The following UCHL3 variants were observed in gnomAD, a reference collection of about 807,000 sequenced individuals.
UCHL3 encodes ubiquitin C-terminal hydrolase L3, also known as ubiquitin carboxyl-terminal hydrolase isozyme L3.
Under a neutral mutation model 35.8 loss-of-function variants are expected in UCHL3, and 22 were observed. The ratio of observed to expected loss-of-function variants is 0.61; its 90% CI spans 0.44 to 0.88. The LOEUF (loss-of-function observed/expected upper bound fraction) is 0.88, where lower values mean the gene tolerates loss of function less well. Among genes scored for constraint, UCHL3 ranks in the 40% least tolerant of loss-of-function variants. The pLI is 0.00. For missense variants in UCHL3, 229 were observed against 276.9 expected (o/e 0.83, Z 1.23); for synonymous variants, 90 against 92.8 (o/e 0.97, Z 0.17).
chr13:75,565,499 T>C (rs7337186), intron 3 of UCHL3, among the ~76,000 whole-genome samples: 16,616 of 152,276 alleles, frequency 0.11, 1,152 homozygotes, highest in Non-Finnish European at 0.16. Context: ...GTAGGTTTTC[T>C]ATAGACATCG....
intron 6 of UCHL3, chr13:75,589,809 T>C: frequency 1.4e-6 from 1 of 717,384 alleles, no homozygotes; most frequent in Non-Finnish European, 1.9e-6. Flanking sequence ...GATCCTTTGC[T>C]AGATAGATTA....
chr13:75,604,922 G>T (rs2032889970), intron 8 of UCHL3, 95 bp downstream of exon 8: 1 of 1,061,266 alleles, frequency 9.4e-7, no homozygotes. Flanking sequence ...TTTGTATTTG[G>T]ATACTTCTTT....
intron 2 of UCHL3, among the ~76,000 whole-genome samples, chr13:75,559,030 CTTTTTTTTTTTTTTT>C (rs34100020): frequency 1.2e-3 from 74 of 64,310 alleles, no homozygotes; most frequent in Middle Eastern, 0.011. Flanking sequence ...GCCCCGGACT[CTTTTTTTTTTTTTTT>C]TTTTTTTTTT....
At chr13:75,593,912 T>G (rs1160297794) in intron 6 of UCHL3, among the ~76,000 whole-genome samples, 2 of 152,220 alleles carry the variant, frequency 1.3e-5, no homozygotes, top group East Asian at 3.8e-4. Flanking sequence ...ATTTTTTATT[T>G]AAGATACTAT....
At chr13:75,564,737 CCAGGCTGTAGTG>C (rs1178403992) in intron 3 of UCHL3, among the ~76,000 whole-genome samples, 1 of 152,026 alleles carries the variant, frequency 6.6e-6, no homozygotes, top group Non-Finnish European at 1.5e-5. Context: ...GCTCTGTTGC[CCAGGCTGTAGTG>C]CAGTGGTGCC....
At chr13:75,558,155 T>C (rs774225440) in intron 2 of UCHL3, among the ~76,000 whole-genome samples, 35 of 152,186 alleles carry the variant, frequency 2.3e-4, no homozygotes, top group Non-Finnish European at 2.9e-4. Context: ...TGAATTTCTT[T>C]ATATCTATCT....
intron 3 of UCHL3, among the ~76,000 whole-genome samples, chr13:75,561,119 G>T (rs1428313598): frequency 6.6e-6 from 1 of 152,050 alleles, no homozygotes; most frequent in Non-Finnish European, 1.5e-5. Context: ...TATTTTTGTA[G>T]AGACAGGGCC....
chr13:75,572,154 ACT>A (rs1162801530), intron 6 of UCHL3, among the ~76,000 whole-genome samples: 1 of 150,930 alleles, frequency 6.6e-6, no homozygotes, highest in Non-Finnish European at 1.5e-5. Flanking sequence ...TTCTTGCAGT[ACT>A]CTCTTTCTGA....
chr13:75,586,079 AG>A (rs1230660150), intron 6 of UCHL3, among the ~76,000 whole-genome samples: 1 of 152,094 alleles, frequency 6.6e-6, no homozygotes, highest in East Asian at 1.9e-4. Context: ...AAGAAAGATC[AG>A]TTTAGTAAAA....
chr13:75,569,999 C>A (rs1410060486), intron 6 of UCHL3, among the ~76,000 whole-genome samples: 3 of 152,188 alleles, frequency 2.0e-5, no homozygotes, highest in Non-Finnish European at 4.4e-5. Flanking sequence ...CTTTTCCTTT[C>A]CTTCTCTTGC....
At chr13:75,593,276 T>C (rs991534003) in intron 6 of UCHL3, among the ~76,000 whole-genome samples, 1 of 152,152 alleles carries the variant, frequency 6.6e-6, no homozygotes. Flanking sequence ...ATTGCCTAGG[T>C]TTAGCCTTAA....
intron 3 of UCHL3, among the ~76,000 whole-genome samples, chr13:75,562,866 A>C (rs1379643865): frequency 6.6e-6 from 1 of 152,210 alleles, no homozygotes; most frequent in Non-Finnish European, 1.5e-5. Flanking sequence ...AAGCATAAAT[A>C]CTTTACTTAT....
intron 6 of UCHL3, among the ~76,000 whole-genome samples, chr13:75,570,137 TTAAC>T (rs2031807611): frequency 6.6e-6 from 1 of 152,246 alleles, no homozygotes; most frequent in South Asian, 2.1e-4. Flanking sequence ...CAAAAAGAAT[TTAAC>T]TAAAGCTGTT....
chr13:75,554,782 G>C (rs954879042), intron 2 of UCHL3, among the ~76,000 whole-genome samples: 1 of 152,114 alleles, frequency 6.6e-6, no homozygotes, highest in African/African-American at 2.4e-5. Context: ...AGCTTCAGGG[G>C]TACATGTGTA....
intron 2 of UCHL3, 64 bp downstream of exon 2, chr13:75,550,051 G>C: frequency 1.9e-6 from 3 of 1,608,602 alleles, no homozygotes; most frequent in South Asian, 2.2e-5. Context: ...CCGCTTCCCT[G>C]CTGGACTCCA....
chr13:75,600,286 G>A (rs2032746290), intron 7 of UCHL3, among the ~76,000 whole-genome samples: 1 of 152,206 alleles, frequency 6.6e-6, no homozygotes, highest in Non-Finnish European at 1.5e-5. Flanking sequence ...CAGATCTTCC[G>A]TGAAGGTGGC....
At chr13:75,556,195 T>A (rs1028785835) in intron 2 of UCHL3, among the ~76,000 whole-genome samples, 1 of 152,240 alleles carries the variant, frequency 6.6e-6, no homozygotes, top group Admixed American at 6.5e-5. Flanking sequence ...TTGTAGTTAG[T>A]CCATATTGAG....
intron 3 of UCHL3, among the ~76,000 whole-genome samples, chr13:75,562,011 T>A (rs1293722619): frequency 2.0e-5 from 3 of 152,070 alleles, no homozygotes; most frequent in African/African-American, 7.2e-5. Context: ...AGTAGGATGA[T>A]TGCAGTAGTT....
At chr13:75,582,010 T>G (rs2032200383) in intron 6 of UCHL3, among the ~76,000 whole-genome samples, 2 of 152,144 alleles carry the variant, frequency 1.3e-5, no homozygotes, top group African/African-American at 4.8e-5. Context: ...GATGGGCGAG[T>G]GACCTTGCAA....
Sources: allele counts gnomAD v4.1 joint callset (sites outside exome capture counted in the v4.1 genomes callset), GRCh38; gene constraint gnomAD v4.1.1; transcripts MANE v1.5; gene names NCBI Gene and HGNC (gene_info 2026-07-23, HGNC 2026-07-21).